The following MCTP2 variants were observed in gnomAD, a reference collection of about 807,000 sequenced individuals.
MCTP2 encodes multiple C2 and transmembrane domain-containing protein 2.
MCTP2 carries 132 observed loss-of-function variants against 111.6 expected under a neutral mutation model. That is an observed-to-expected ratio of 1.18 (90% confidence interval 1.03 to 1.37). The LOEUF (loss-of-function observed/expected upper bound fraction) is 1.37. Among genes scored for constraint, MCTP2 ranks in the 40% most tolerant of loss-of-function variants. MCTP2 has a pLI of 0.00. For missense variants in MCTP2, 1,183 were observed against 1,067.9 expected (o/e 1.11, Z -1.50); for synonymous variants, 395 against 387.7 (o/e 1.02, Z -0.22).
chr15:94,447,833 G>A (rs976795626), intron 19 of MCTP2, among the ~76,000 whole-genome samples: 1 of 152,200 alleles, frequency 6.6e-6, no homozygotes, highest in Non-Finnish European at 1.5e-5. Context: ...AACAATAGTT[G>A]CATGTGCACA....
intron 2 of MCTP2, among the ~76,000 whole-genome samples, chr15:94,310,671 A>G (rs570934909): frequency 6.6e-6 from 1 of 151,646 alleles, no homozygotes; most frequent in African/African-American, 2.4e-5. Flanking sequence ...GAAAATTTAT[A>G]AAATAAATAA....
chr15:94,336,540 G>A (rs146072700), intron 4 of MCTP2, among the ~76,000 whole-genome samples: 19 of 152,220 alleles, frequency 1.2e-4, no homozygotes, highest in African/African-American at 4.6e-4. Context: ...CCTGACAGAT[G>A]CAACATCGAG....
intron 7 of MCTP2, 36 bp downstream of exon 7, chr15:94,340,960 T>C: frequency 7.4e-7 from 1 of 1,355,040 alleles, no homozygotes; most frequent in Non-Finnish European, 1.1e-6. Context: ...AAACCTCTCA[T>C]TTTGTCGTTT....
intron 1 of MCTP2, among the ~76,000 whole-genome samples, chr15:94,244,169 TAC>T (rs1313671979): frequency 6.8e-6 from 1 of 147,330 alleles, no homozygotes; most frequent in Non-Finnish European, 1.5e-5. Flanking sequence ...TACACGTGTA[TAC>T]ACATACGTAT....
intron 18 of MCTP2, 152 bp downstream of exon 18, chr15:94,440,450 A>G (rs1466181174): frequency 2.3e-6 from 2 of 865,238 alleles, no homozygotes; most frequent in South Asian, 1.7e-5. Flanking sequence ...GAGGTCTTCT[A>G]TCATGAATAA....
intron 1 of MCTP2, among the ~76,000 whole-genome samples, chr15:94,246,570 A>G (rs1252225888): frequency 6.6e-6 from 1 of 152,082 alleles, no homozygotes; most frequent in Non-Finnish European, 1.5e-5. Flanking sequence ...CCTTAATAGA[A>G]CCTAATAATT....
intron 1 of MCTP2, among the ~76,000 whole-genome samples, chr15:94,252,879 A>G (rs1274454416): frequency 1.3e-5 from 2 of 152,176 alleles, no homozygotes; most frequent in African/African-American, 2.4e-5. Flanking sequence ...TTATTTATAA[A>G]TTTGATTAAA....
At position 94,334,734 on chromosome 15, in the gene MCTP2, T is replaced by TG. The variant is rs578255537; in HGVS notation, c.638-4550dup. On this transcript the variant is annotated intron_variant, in intron 4 of 22. Coordinates refer to ENST00000357742, the MANE Select transcript of MCTP2 (RefSeq NM_001385001.1). ...GAAACTTTTTTTTTTTCGGTGGAGA[T>TG]GGGGGGTCTCACTGCGTCACTCAGG... Among the ~76,000 whole-genome samples the TG allele has an allele frequency of 5.3e-4, 80 of 151,780 alleles. 1 individual carries two copies. Among genetic ancestry groups the TG allele is most frequent in the African/African-American group, 1.2e-3 (50 of 41,380 alleles).
chr15:94,243,286 C>T (rs576288732), intron 1 of MCTP2, among the ~76,000 whole-genome samples: 1 of 145,550 alleles, frequency 6.9e-6, no homozygotes, highest in African/African-American at 2.6e-5. Flanking sequence ...CATACGTATG[C>T]GTATATGCAT....
At chr15:94,304,394 A>G (rs2075787515) in intron 2 of MCTP2, among the ~76,000 whole-genome samples, 1 of 152,238 alleles carries the variant, frequency 6.6e-6, no homozygotes, top group African/African-American at 2.4e-5. Flanking sequence ...GTGGGCTGTG[A>G]TTGTGCCCAT....
chr15:94,358,611 A>G lies in MCTP2; in HGVS notation c.1300A>G (p.Thr434Ala). 1 of 1,613,412 alleles carries G rather than the reference A, an allele frequency of 6.2e-7. No individual in the cohort carries two copies. The highest frequency in any genetic ancestry group is 8.5e-7 in the Non-Finnish European group (1 of 1,179,612). Residue 434 changes from threonine to alanine, a missense_variant and splice_region_variant, in exon 10 of 23, where the codon ACG becomes GCG. Transcript: ENST00000357742. ...DNKKHEERLG[T>A]CKVDISALPL... ...CAAAAAGCATGAGGAACGTCTGGGC[A>G]CGTGAGTCCCCTCTGCTTTCCAGTG...
chr15:94,349,778 G>T (rs952927638), intron 8 of MCTP2, among the ~76,000 whole-genome samples: 1 of 142,010 alleles, frequency 7.0e-6, no homozygotes, highest in Non-Finnish European at 1.5e-5. Context: ...CGAGATCGCA[G>T]CACTGCACTC....
intron 16 of MCTP2, among the ~76,000 whole-genome samples, 196 bp downstream of exon 16, chr15:94,400,191 A>G (rs558881108): frequency 6.6e-5 from 10 of 152,094 alleles, no homozygotes; most frequent in Non-Finnish European, 1.5e-4. Context: ...CAGCTCCCAT[A>G]AGAAGGGCAA....
chr15:94,271,344 G>A (rs940503722), intron 1 of MCTP2, among the ~76,000 whole-genome samples: 1 of 152,170 alleles, frequency 6.6e-6, no homozygotes, highest in African/African-American at 2.4e-5. Context: ...ATTGAAGGAA[G>A]CATGATACTT....
At chr15:94,391,916 A>G (rs904282068) in intron 14 of MCTP2, among the ~76,000 whole-genome samples, 2 of 152,170 alleles carry the variant, frequency 1.3e-5, no homozygotes, top group Non-Finnish European at 2.9e-5. Flanking sequence ...AACCTCTTAC[A>G]TGGATTCAAA....
At chr15:94,380,745 G>T (rs2080088578) in intron 12 of MCTP2, among the ~76,000 whole-genome samples, 2 of 151,432 alleles carry the variant, frequency 1.3e-5, no homozygotes, top group Admixed American at 1.3e-4. Context: ...TCTAGCCTAG[G>T]CAACAGAGTG....
intron 1 of MCTP2, among the ~76,000 whole-genome samples, chr15:94,235,397 C>G (rs2070471430): frequency 6.6e-6 from 1 of 152,118 alleles, no homozygotes; most frequent in Non-Finnish European, 1.5e-5. Context: ...AGCTCTGCGT[C>G]TAGAGCACAG....
chr15:94,244,106 GTGTA>G (rs1394777676), intron 1 of MCTP2, among the ~76,000 whole-genome samples: 25 of 132,530 alleles, frequency 1.9e-4, no homozygotes, highest in African/African-American at 2.8e-4. Flanking sequence ...ACATACATAT[GTGTA>G]TATGTTTATA....
At chr15:94,467,182 C>T (rs1003295580) in intron 20 of MCTP2, among the ~76,000 whole-genome samples, 8 of 152,196 alleles carry the variant, frequency 5.3e-5, no homozygotes, top group East Asian at 1.9e-4. Flanking sequence ...GGGTAAATTA[C>T]GTAAGGCCAT....
Sources: gnomAD v4.1 joint callset for allele counts (sites outside exome capture counted in the v4.1 genomes callset) on GRCh38, gnomAD v4.1.1 for gene constraint, MANE v1.5 for transcripts, NCBI Gene and HGNC (gene_info 2026-07-23, HGNC 2026-07-21) for gene names.